CREB1: variants seen among roughly 807,000 people sequenced by gnomAD.
CREB1 encodes cyclic AMP-responsive element-binding protein 1.
In CREB1, 2 loss-of-function variants were observed where a neutral mutation model predicts 42.0. The ratio of observed to expected loss-of-function variants is 0.05; its 90% CI spans 0.02 to 0.15. The LOEUF is 0.15. Among genes scored for constraint, CREB1 ranks in the 10% least tolerant of loss-of-function variants. CREB1 has a pLI of 1.00. For synonymous variants in CREB1, 123 were observed against 139.9 expected, an observed-to-expected ratio of 0.88 and a Z score of 0.85; for missense variants, 199 against 388.9, an observed-to-expected ratio of 0.51 and a Z score of 4.11.
intron 1 of CREB1, among the ~76,000 whole-genome samples, chr2:207,542,954 T>G (rs542301317): frequency 4.6e-5 from 7 of 152,284 alleles, no homozygotes; most frequent in African/African-American, 1.7e-4. Flanking sequence ...AGTGAAACAT[T>G]TTAATTTGAA....
At chr2:207,573,995 C>T (rs1461136644) in intron 5 of CREB1, among the ~76,000 whole-genome samples, 1 of 152,194 alleles carries the variant, frequency 6.6e-6, no homozygotes, top group Non-Finnish European at 1.5e-5. Flanking sequence ...TCATTTTTCT[C>T]CCTGCCTAAG....
At chr2:207,569,387 G>A (rs1246231785) in intron 4 of CREB1, among the ~76,000 whole-genome samples, 1 of 152,138 alleles carries the variant, frequency 6.6e-6, no homozygotes, top group Non-Finnish European at 1.5e-5. Context: ...CAGCAGCAAT[G>A]TATGAGAGTG....
At position 207,605,626 on chromosome 2, in the gene CREB1, TCTC is replaced by T. The variant is rs1015964443; in HGVS notation, c.*8576_*8578del. On this transcript the variant is annotated 3_prime_UTR_variant, in exon 8 of 8. Transcript: ENST00000353267. The stretch of plus-strand genomic sequence containing the variant: ...ATATACACAAATATAATGTATGTTC[TCTC>T]CTCCTCCCTCTCCCTTTTTTTACAC... Among the ~76,000 whole-genome samples the T allele has an allele frequency of 7.2e-5, 11 of 152,344 alleles. No individual in the cohort carries two copies. The East Asian group carries it at 9.6e-4, about 13-fold the overall frequency.
intron 1 of CREB1, among the ~76,000 whole-genome samples, chr2:207,537,428 T>C (rs563897572): frequency 6.6e-6 from 1 of 152,284 alleles, no homozygotes; most frequent in African/African-American, 2.4e-5. Flanking sequence ...CTGGAACATA[T>C]CTGTAGACTA....
intron 6 of CREB1, chr2:207,577,303 C>G: frequency 9.8e-7 from 1 of 1,022,952 alleles, no homozygotes; most frequent in Non-Finnish European, 1.3e-6. Flanking sequence ...ACATAGGTTA[C>G]TGTAATAAAT....
chr2:207,569,353 G>A (rs2082262060), intron 4 of CREB1, among the ~76,000 whole-genome samples: 1 of 152,074 alleles, frequency 6.6e-6, no homozygotes, highest in Non-Finnish European at 1.5e-5. Flanking sequence ...TCCTTATATC[G>A]GGATTGTGCC....
chr2:207,575,375 G>C lies in CREB1; in HGVS notation c.609G>C (p.Pro203=). Residue 203 remains proline (P), a synonymous_variant, in exon 6 of 8, where the codon CCG becomes CCC. Coordinates refer to ENST00000353267, the MANE Select transcript of CREB1 (RefSeq NM_004379.5). ...TGACCAATGCAGCAGCCACTCAGCC[G>C]GGTACTACCATTCTACAGTATGCAC... ...LTMTNAAATQ[P]GTTILQYAQT... 1 of 1,614,090 alleles carries C rather than the reference G, an allele frequency of 6.2e-7. No homozygotes were observed. The highest frequency in any genetic ancestry group is 8.5e-7 in the Non-Finnish European group (1 of 1,180,014).
chr2:207,564,187 C>G (rs2082055597), intron 3 of CREB1, among the ~76,000 whole-genome samples: 1 of 151,954 alleles, frequency 6.6e-6, no homozygotes, highest in African/African-American at 2.4e-5. Flanking sequence ...GTTGGAAGAT[C>G]ATTGATCTAG....
At chr2:207,596,829 C>G in intron 7 of CREB1, 85 bp from the exon 8 acceptor site, 1 of 1,511,424 alleles carries the variant, frequency 6.6e-7, no homozygotes, top group South Asian at 1.2e-5. Context: ...TGAGCTATTT[C>G]TTTAAAAAAG....
rs915474977 is a variant in CREB1, at chr2:207,601,749, T to C, written c.*4691T>C. ...AACATCAAAGAAATGCTGCCTAAAT[T>C]TGATTTCAGATGAGGAAGGAGAAAG... is the stretch of plus-strand genomic sequence containing the variant. On this transcript the variant is annotated 3_prime_UTR_variant, in exon 8 of 8. Transcript: ENST00000353267. 5.5e-5 allele frequency: 12 copies of C among 216,882 alleles called. No individual in the cohort carries two copies. Among genetic ancestry groups the C allele is most frequent in the African/African-American group, 2.5e-4 (11 of 44,482 alleles). The allele number at this position is 216,882 out of a possible 1,614,324, so 13.4% of individuals were successfully genotyped here.
chr2:207,565,430 G>A (rs1374288409), intron 3 of CREB1, among the ~76,000 whole-genome samples: 1 of 150,912 alleles, frequency 6.6e-6, no homozygotes, highest in Non-Finnish European at 1.5e-5. Context: ...ACTAAATAGT[G>A]ATAAGTTAAT....
intron 7 of CREB1, among the ~76,000 whole-genome samples, chr2:207,592,416 A>G (rs2085224043): frequency 6.6e-6 from 1 of 151,772 alleles, no homozygotes; most frequent in Admixed American, 6.6e-5. Context: ...AAAAATAAAA[A>G]AAGATGTCAC....
intron 3 of CREB1, among the ~76,000 whole-genome samples, chr2:207,562,353 C>T (rs986016921): frequency 5.3e-5 from 8 of 152,226 alleles, no homozygotes; most frequent in African/African-American, 1.7e-4. Flanking sequence ...ACAAAATTTG[C>T]TAAGATTACT....
rs150506251 is a variant in CREB1 at position 207,601,046 on chromosome 2, G to A, written c.*3988G>A. 224 of 190,140 alleles carry A rather than the reference G, an allele frequency of 1.2e-3. 1 individual carries two copies. Among genetic ancestry groups the A allele is most frequent in the African/African-American group, 4.9e-3 (210 of 43,098 alleles). The allele number at this position is 190,140 out of a possible 1,614,324, so 11.8% of individuals were successfully genotyped here. A position where few individuals can be genotyped will look rare whatever the true frequency, so the allele number is the denominator to read the frequency against. ...TTTTGCAGGATTAAGTAGGGCTAAT[G>A]TATCTTAAAGTTAAGATCTTGAATT... is the stretch of plus-strand genomic sequence containing the variant. On this transcript the variant is annotated 3_prime_UTR_variant, in exon 8 of 8. Coordinates refer to ENST00000353267, the MANE Select transcript of CREB1 (RefSeq NM_004379.5).
chr2:207,577,286 C>A (rs1184207433), intron 6 of CREB1: 31 of 1,045,346 alleles, frequency 3.0e-5, no homozygotes, highest in Non-Finnish European at 4.0e-5. Flanking sequence ...AATGTAAGAT[C>A]CAGCGGACAT....
intron 6 of CREB1, among the ~76,000 whole-genome samples, chr2:207,576,090 G>C (rs2082580339): frequency 6.6e-6 from 1 of 151,580 alleles, no homozygotes; most frequent in African/African-American, 2.4e-5. Context: ...GGCTCCCAAA[G>C]TGTTGGGATG....
chr2:207,604,634 GAACA>G lies in CREB1; in HGVS notation c.*7578_*7581del, dbSNP rs1463936151. Among the ~76,000 whole-genome samples the G allele has an allele frequency of 1.3e-5, 2 of 152,136 alleles. No individual in the cohort carries two copies. The highest frequency in any genetic ancestry group is 2.1e-4 in the South Asian group (1 of 4,828). ...ATTCACATAAATTAACTTTTTAAGT[GAACA>G]ATTAAGTGGTAGTACATCCACAATG... On this transcript the variant is annotated 3_prime_UTR_variant, in exon 8 of 8. Coordinates refer to ENST00000353267, the MANE Select transcript of CREB1 (RefSeq NM_004379.5).
intron 1 of CREB1, among the ~76,000 whole-genome samples, chr2:207,532,424 C>T (rs977404106): frequency 3.3e-5 from 5 of 151,894 alleles, no homozygotes; most frequent in African/African-American, 1.2e-4. Flanking sequence ...TCTGTAATCC[C>T]AGCACTTTGG....
intron 7 of CREB1, among the ~76,000 whole-genome samples, chr2:207,586,273 T>TAA (rs2083824163): frequency 1.3e-5 from 2 of 152,046 alleles, no homozygotes; most frequent in Non-Finnish European, 2.9e-5. Flanking sequence ...GAACACAGAA[T>TAA]AAATCTACTT....
Sources: allele counts gnomAD v4.1 joint callset (sites outside exome capture counted in the v4.1 genomes callset), GRCh38; gene constraint gnomAD v4.1.1; transcripts MANE v1.5; gene names NCBI Gene and HGNC (gene_info 2026-07-23, HGNC 2026-07-21).